AKAP7: variants seen among roughly 807,000 people sequenced by gnomAD.
AKAP7 encodes the protein A kinase (PRKA) anchor protein 7.
A neutral mutation model predicts 39.5 loss-of-function variants in AKAP7; 39 were observed. The ratio of observed to expected loss-of-function variants is 0.99; its 90% confidence interval spans 0.76 to 1.29. AKAP7 has a LOEUF of 1.29. AKAP7 is among the 50% of genes most tolerant of loss of function. The pLI, the probability that AKAP7 is intolerant of heterozygous loss-of-function variation, is 0.00. For synonymous variants in AKAP7, 140 were observed against 139.1 expected (o/e 1.01, Z -0.05); for missense variants, 414 against 407.7 (o/e 1.02, Z -0.13).
chr6:131,175,792 T>C lies in AKAP7; in HGVS notation c.589+6519T>C, dbSNP rs57109922. 7.8e-3 allele frequency among the ~76,000 whole-genome samples: 1,187 copies of C among 152,252 alleles called. 13 individuals carry two copies. The highest frequency in any genetic ancestry group is 0.026 in the African/African-American group (1,088 of 41,542). ...CATCCTCCTTTCTGAGGACACCGGGTCACAGAGGAGAAGCTGAGTCAGTAG... is the reference window on the plus strand; with the variant it reads ...CATCCTCCTTTCTGAGGACACCGGGCCACAGAGGAGAAGCTGAGTCAGTAG... On this transcript the variant is annotated intron_variant, in intron 5 of 7. Coordinates refer to ENST00000431975, the MANE Select transcript of AKAP7 (RefSeq NM_016377.4).
intron 7 of AKAP7, among the ~76,000 whole-genome samples, chr6:131,239,009 T>G (rs1180689213): frequency 6.6e-6 from 1 of 152,242 alleles, no homozygotes; most frequent in Non-Finnish European, 1.5e-5. Context: ...GCCTTGATGG[T>G]CTTTACAATT....
chr6:131,153,121 C>T (rs1802084546), intron 2 of AKAP7, among the ~76,000 whole-genome samples: 1 of 141,634 alleles, frequency 7.1e-6, no homozygotes, highest in African/African-American at 2.7e-5. Flanking sequence ...CAGAGCAAGA[C>T]TCCATCTCAA....
At chr6:131,129,837 G>T in the AKAP7 span, among the ~76,000 whole-genome samples, 1 of 152,218 alleles carries the variant, frequency 6.6e-6, no homozygotes, top group Non-Finnish European at 1.5e-5. Flanking sequence ...ATTTGGCCGT[G>T]TCTTGTAGAA....
rs80172522 is a variant in AKAP7, at chr6:131,166,987, C to T, written c.428+1770C>T. On this transcript the variant is annotated intron_variant, in intron 4 of 7. Transcript: ENST00000431975. ...CATTAATTTCTTGAGGTAGATGTCA[C>T]CTAAACTCGTTTGTATCCTTACAGT... 9.5e-4 allele frequency among the ~76,000 whole-genome samples: 145 copies of T among 152,160 alleles called. 1 individual carries two copies. The highest frequency in any genetic ancestry group is 3.4e-3 in the African/African-American group (140 of 41,516).
chr6:131,253,014 T>C, intron 7 of AKAP7: 1 of 1,611,832 alleles, frequency 6.2e-7, no homozygotes. Context: ...TTTAAATTTG[T>C]GGGTGTTATT....
At chr6:131,154,358 C>T (rs577005531) in intron 2 of AKAP7, among the ~76,000 whole-genome samples, 28 of 151,758 alleles carry the variant, frequency 1.8e-4, no homozygotes, top group Non-Finnish European at 3.1e-4. Context: ...CGCAAATTGT[C>T]GTAATTAGTA....
intron 7 of AKAP7, among the ~76,000 whole-genome samples, chr6:131,259,106 G>A (rs188581971): frequency 1.3e-5 from 2 of 152,330 alleles, no homozygotes; most frequent in African/African-American, 2.4e-5. Flanking sequence ...CATTTGCCAT[G>A]TGAATTACAT....
chr6:131,198,183 C>T (rs1157927125), intron 5 of AKAP7, among the ~76,000 whole-genome samples: 1 of 152,184 alleles, frequency 6.6e-6, no homozygotes, highest in Non-Finnish European at 1.5e-5. Flanking sequence ...TCTCCTAACA[C>T]TCAGCTTTTC....
intron 7 of AKAP7, among the ~76,000 whole-genome samples, chr6:131,236,324 G>A (rs1216299385): frequency 3.9e-5 from 6 of 152,248 alleles, no homozygotes; most frequent in East Asian, 1.9e-4. Flanking sequence ...AGTATAGTTC[G>A]AAGTCAGGTA....
At chr6:131,200,218 G>C (rs184991565) in intron 6 of AKAP7, among the ~76,000 whole-genome samples, 1 of 152,196 alleles carries the variant, frequency 6.6e-6, no homozygotes, top group Admixed American at 6.5e-5. Flanking sequence ...GCCTTTATAG[G>C]CCACCCCTTC....
intron 5 of AKAP7, among the ~76,000 whole-genome samples, chr6:131,170,102 A>C (rs889544404): frequency 1.4e-4 from 19 of 138,822 alleles, no homozygotes; most frequent in Non-Finnish European, 2.7e-4. Context: ...AACAATGAGA[A>C]CACATGGACA....
chr6:131,140,022 G>A (rs1800897632), intron 1 of AKAP7, among the ~76,000 whole-genome samples: 1 of 152,166 alleles, frequency 6.6e-6, no homozygotes, highest in Non-Finnish European at 1.5e-5. Context: ...TGACGGTAGA[G>A]GTCTGATCTA....
chr6:131,194,440 T>G (rs1433879468), intron 5 of AKAP7, among the ~76,000 whole-genome samples: 1 of 152,162 alleles, frequency 6.6e-6, no homozygotes, highest in African/African-American at 2.4e-5. Context: ...AGACTTTTTT[T>G]GTGATCTAAC....
chr6:131,234,137 C>T (rs1810842191), intron 7 of AKAP7, among the ~76,000 whole-genome samples: 1 of 152,172 alleles, frequency 6.6e-6, no homozygotes, highest in African/African-American at 2.4e-5. Context: ...CTACTGTGCA[C>T]ATAAAGGCTT....
At position 131,165,203 on chromosome 6, in the gene AKAP7, A is replaced by G; in HGVS notation, c.414A>G (p.Glu138=). 6.2e-7 allele frequency: 1 copy of G among 1,605,854 alleles called. No individual in the cohort carries two copies. The highest frequency in any genetic ancestry group is 8.5e-7 in the Non-Finnish European group (1 of 1,176,130). ...ITLLVMQLLN[E]DEVNIGIDAL... is the part of the protein sequence containing the mutation. Reference sequence around the variant, plus strand: ...TGCTGGTGATGCAATTATTAAATGAAGATGAAGTAAACATGTGAGTAATGT... The same window carrying G: ...TGCTGGTGATGCAATTATTAAATGAGGATGAAGTAAACATGTGAGTAATGT... Residue 138 remains glutamate (E), a synonymous_variant, in exon 4 of 8, where the codon GAA becomes GAG. Coordinates refer to ENST00000431975, the MANE Select transcript of AKAP7 (RefSeq NM_016377.4).
chr6:131,151,380 G>GT (rs1314770950), intron 2 of AKAP7, among the ~76,000 whole-genome samples: 14 of 130,416 alleles, frequency 1.1e-4, no homozygotes, highest in African/African-American at 4.4e-4. Flanking sequence ...GAGAAGGTAA[G>GT]GTTTTTTTTT....
chr6:131,246,293 C>T (rs1811999435), intron 7 of AKAP7, among the ~76,000 whole-genome samples: 1 of 152,010 alleles, frequency 6.6e-6, no homozygotes, highest in African/African-American at 2.4e-5. Flanking sequence ...CCATTTTAAA[C>T]AATTGTAATA....
At chr6:131,175,782 G>T (rs2128249946) in intron 5 of AKAP7, among the ~76,000 whole-genome samples, 1 of 152,266 alleles carries the variant, frequency 6.6e-6, no homozygotes, top group Non-Finnish European at 1.5e-5. Flanking sequence ...TCCTTTCTGA[G>T]GACACCGGGT....
At chr6:131,128,740 T>G in the AKAP7 span, among the ~76,000 whole-genome samples, 1 of 151,218 alleles carries the variant, frequency 6.6e-6, no homozygotes, top group South Asian at 2.1e-4. Context: ...GAGACTCATT[T>G]GAACCCAGGA....
Sources: gnomAD v4.1 joint callset for allele counts (sites outside exome capture counted in the v4.1 genomes callset) on GRCh38, gnomAD v4.1.1 for gene constraint, MANE v1.5 for transcripts, NCBI Gene and HGNC (gene_info 2026-07-23, HGNC 2026-07-21) for gene names.